CSMD1: variants seen among roughly 807,000 people sequenced by gnomAD.
CSMD1 encodes the protein CUB and sushi domain-containing protein 1.
CSMD1 carries 213 observed loss-of-function variants against 417.5 expected under a neutral mutation model. The observed-to-expected ratio is 0.51, with a 90% confidence interval of 0.46 to 0.57. The LOEUF (loss-of-function observed/expected upper bound fraction) is 0.57, where lower values mean the gene tolerates loss of function less well. Among genes scored for constraint, CSMD1 ranks in the 20% least tolerant of loss-of-function variants. The probability of loss-of-function intolerance (pLI) is 0.00; values close to 1 mark genes in which losing one functional copy is unlikely to be tolerated. For missense variants in CSMD1, 6,923 were observed against 4,529.7 expected, an observed-to-expected ratio of 1.53 and a Z score of -15.17; for synonymous variants, 2,862 against 1,736.8, an observed-to-expected ratio of 1.65 and a Z score of -16.11.
At chr8:3,798,125 C>CAGTAT (rs1800262669) in intron 5 of CSMD1, among the ~76,000 whole-genome samples, 1 of 151,816 alleles carries the variant, frequency 6.6e-6, no homozygotes, top group African/African-American at 2.4e-5. Flanking sequence ...TAGAGGAATT[C>CAGTAT]AGTATATAAA....
At chr8:3,009,028 C>T (rs912686755) in intron 52 of CSMD1, among the ~76,000 whole-genome samples, 6 of 152,190 alleles carry the variant, frequency 3.9e-5, no homozygotes. Flanking sequence ...TTCACTTCTC[C>T]CGCAGAAACC....
chr8:4,563,832 A>T (rs1418346007), intron 2 of CSMD1, among the ~76,000 whole-genome samples: 1 of 152,184 alleles, frequency 6.6e-6, no homozygotes, highest in Non-Finnish European at 1.5e-5. Context: ...TCCTAAGTAT[A>T]AGAATATCTA....
intron 60 of CSMD1, 63 bp from the exon 61 acceptor site, chr8:2,962,702 G>C: frequency 6.7e-7 from 1 of 1,496,688 alleles, no homozygotes; most frequent in Non-Finnish European, 9.1e-7. Context: ...CACCAATTGA[G>C]CTTGGTAACT....
At chr8:4,298,454 G>A (rs944287375) in intron 3 of CSMD1, among the ~76,000 whole-genome samples, 2 of 152,110 alleles carry the variant, frequency 1.3e-5, no homozygotes, top group Admixed American at 1.3e-4. Flanking sequence ...CCCTATACAG[G>A]AAATTACTTA....
intron 68 of CSMD1, among the ~76,000 whole-genome samples, chr8:2,945,424 G>A (rs1285810706): frequency 6.6e-6 from 1 of 152,160 alleles, no homozygotes; most frequent in African/African-American, 2.4e-5. Flanking sequence ...CCAGTCTACT[G>A]TCCAGGGACA....
At chr8:3,344,952 A>G (rs530959969) in intron 22 of CSMD1, among the ~76,000 whole-genome samples, 1 of 152,338 alleles carries the variant, frequency 6.6e-6, no homozygotes, top group South Asian at 2.1e-4. Flanking sequence ...GGTTTATTCC[A>G]TGTTTTTATT....
At chr8:4,439,981 C>T (rs1049977220) in intron 2 of CSMD1, among the ~76,000 whole-genome samples, 3 of 152,146 alleles carry the variant, frequency 2.0e-5, no homozygotes, top group Non-Finnish European at 2.9e-5. Context: ...GCACACTTCA[C>T]CAGCCTAGAC....
At chr8:4,905,194 T>G (rs1805161689) in intron 1 of CSMD1, among the ~76,000 whole-genome samples, 1 of 152,134 alleles carries the variant, frequency 6.6e-6, no homozygotes, top group African/African-American at 2.4e-5. Flanking sequence ...AAAGTTATAT[T>G]TGATATCTCA....
Position 2,949,333 on chromosome 8 carries a change from T to C in CSMD1, c.10368A>G (p.Gly3456=). The part of the protein sequence containing the change: ...GGFTFQGDIH[G]KDFGKFKLER... ...CTAGCTTAAATTTTCCAAAGTCTTT[T>C]CCATGAATGTCACCTTGAAAAGTAA... The change falls in exon 68 of 70, where the codon GGA becomes GGG. Residue 3456 remains glycine, a synonymous_variant. Transcript: ENST00000635120. 2 of 1,608,720 alleles carry C rather than the reference T, an allele frequency of 1.2e-6. No homozygotes were observed. Among genetic ancestry groups the C allele is most frequent in the African/African-American group, 2.7e-5 (2 of 74,912 alleles).
chr8:4,304,720 C>T (rs1034503836), intron 3 of CSMD1, among the ~76,000 whole-genome samples: 6 of 152,188 alleles, frequency 3.9e-5, no homozygotes, highest in Non-Finnish European at 7.4e-5. Flanking sequence ...CAAGGAGAGC[C>T]AACTAAATCA....
chr8:4,501,807 T>A (rs528790789), intron 2 of CSMD1, among the ~76,000 whole-genome samples: 6 of 152,242 alleles, frequency 3.9e-5, no homozygotes, highest in African/African-American at 1.4e-4. Flanking sequence ...CATGCAAGCG[T>A]AGTGGGCCTT....
chr8:3,229,490 T>C (rs1039890470), intron 27 of CSMD1, among the ~76,000 whole-genome samples: 1 of 152,322 alleles, frequency 6.6e-6, no homozygotes, highest in African/African-American at 2.4e-5. Context: ...GTCTGCAAAA[T>C]CATTTGTTAT....
At chr8:4,709,663 A>G (rs1311093200) in intron 1 of CSMD1, among the ~76,000 whole-genome samples, 2 of 152,196 alleles carry the variant, frequency 1.3e-5, no homozygotes, top group African/African-American at 4.8e-5. Context: ...TTCAGCAAAG[A>G]TGAATGTTTA....
intron 1 of CSMD1, among the ~76,000 whole-genome samples, chr8:4,777,661 A>T (rs1255922200): frequency 1.3e-5 from 2 of 152,224 alleles, no homozygotes; most frequent in African/African-American, 4.8e-5. Flanking sequence ...CTTGGTACAG[A>T]AGTGATTGCA....
intron 3 of CSMD1, among the ~76,000 whole-genome samples, chr8:4,234,157 C>A (rs937655106): frequency 1.2e-4 from 19 of 152,284 alleles, no homozygotes; most frequent in African/African-American, 4.6e-4. Flanking sequence ...GGACTGAGCA[C>A]AGATTCCCAG....
chr8:3,083,146 A>C lies in CSMD1; in HGVS notation c.7474+3951T>G, dbSNP rs182304285. Among the ~76,000 whole-genome samples, 3 of 152,268 alleles carry C rather than the reference A, an allele frequency of 2.0e-5. No individual in the cohort carries two copies. In the East Asian group the frequency reaches 5.8e-4, roughly 29 times the overall value. ...TATGAATTGTCAGCAATTCAGGATCACATAAACGGTGACGATTCTTCCTTA... is the reference window on the plus strand; with the variant it reads ...TATGAATTGTCAGCAATTCAGGATCCCATAAACGGTGACGATTCTTCCTTA... On this transcript the variant is annotated intron_variant, in intron 49 of 69. Coordinates refer to ENST00000635120, the MANE Select transcript of CSMD1 (RefSeq NM_033225.6).
At chr8:4,228,735 G>C (rs573073842) in intron 3 of CSMD1, among the ~76,000 whole-genome samples, 174 of 152,118 alleles carry the variant, frequency 1.1e-3, no homozygotes, top group Non-Finnish European at 2.0e-3. Flanking sequence ...CCAGGCTGGA[G>C]TGCAGTGGTG....
At chr8:3,335,006 T>C (rs1409714640) in intron 23 of CSMD1, among the ~76,000 whole-genome samples, 1 of 152,192 alleles carries the variant, frequency 6.6e-6, no homozygotes. Context: ...AGTGAGTTAA[T>C]TCTAGGAGAT....
intron 2 of CSMD1, among the ~76,000 whole-genome samples, chr8:4,458,045 C>G (rs550011321): frequency 6.6e-6 from 1 of 152,132 alleles, no homozygotes; most frequent in South Asian, 2.1e-4. Flanking sequence ...TTTAAAATTC[C>G]TTTTACCCCT....
Sources: gnomAD v4.1 joint callset for allele counts (sites outside exome capture counted in the v4.1 genomes callset) on GRCh38, gnomAD v4.1.1 for gene constraint, MANE v1.5 for transcripts, NCBI Gene and HGNC (gene_info 2026-07-23, HGNC 2026-07-21) for gene names.